Variants in VPS13B observed in about 807,000 individuals in gnomAD.
The protein encoded by VPS13B is vacuolar protein sorting 13 homolog B.
Under a neutral mutation model 426.4 loss-of-function variants are expected in VPS13B, and 285 were observed. The observed-to-expected ratio is 0.67, with a 90% CI of 0.61 to 0.74. The LOEUF (loss-of-function observed/expected upper bound fraction) is 0.74, where lower values mean the gene tolerates loss of function less well. Among genes scored for constraint, VPS13B ranks in the 30% least tolerant of loss-of-function variants. VPS13B has a pLI of 0.00. For synonymous variants in VPS13B, 1,676 were observed against 1,676.4 expected (o/e 1.00, Z 0.01); for missense variants, 4,537 against 4,782.6 (o/e 0.95, Z 1.51).
At chr8:99,674,618 A>G (rs886733883) in intron 35 of VPS13B, among the ~76,000 whole-genome samples, 5 of 151,968 alleles carry the variant, frequency 3.3e-5, no homozygotes, top group South Asian at 4.2e-4. Context: ...CATTTTGTCA[A>G]TTGTCTTCTG....
chr8:99,065,939 T>TA (rs1326960404), intron 3 of VPS13B, among the ~76,000 whole-genome samples: 1 of 152,150 alleles, frequency 6.6e-6, no homozygotes, highest in Non-Finnish European at 1.5e-5. Context: ...GAATCCAACT[T>TA]ACAAGGGATG....
chr8:99,548,081 T>G (rs1824085884), intron 30 of VPS13B, among the ~76,000 whole-genome samples: 1 of 152,088 alleles, frequency 6.6e-6, no homozygotes, highest in African/African-American at 2.4e-5. Flanking sequence ...ACGTTAACAT[T>G]AGGCATTCTG....
rs186102889 is a variant in VPS13B at position 99,701,660 on chromosome 8, A to G, written c.6454+1728A>G. Among the ~76,000 whole-genome samples, 142 of 152,284 alleles carry G rather than the reference A, an allele frequency of 9.3e-4. 1 individual carries two copies. The South Asian group carries it at 0.017, about 18-fold the overall frequency. ...AAAACAGCAACTATAGCTTTGACTAAACATACTTTATACAACTCTAACATG... is the reference window on the plus strand; with the variant it reads ...AAAACAGCAACTATAGCTTTGACTAGACATACTTTATACAACTCTAACATG... On this transcript the variant is annotated intron_variant, in intron 36 of 61. Transcript: ENST00000357162.
chr8:99,157,479 G>C (rs79348716), intron 15 of VPS13B, among the ~76,000 whole-genome samples: 9,360 of 151,764 alleles, frequency 0.062, 386 homozygotes, highest in African/African-American at 0.11. Flanking sequence ...ACTGTTTTTC[G>C]GGCACCAAGA....
chr8:99,173,291 G>C (rs978798659), intron 16 of VPS13B, among the ~76,000 whole-genome samples: 1 of 152,116 alleles, frequency 6.6e-6, no homozygotes, highest in African/African-American at 2.4e-5. Flanking sequence ...GGCAGATACT[G>C]ATCCTTTTGC....
chr8:99,832,170 G>A (rs865944716), intron 51 of VPS13B, among the ~76,000 whole-genome samples, 199 bp from the exon 52 acceptor site: 1 of 151,552 alleles, frequency 6.6e-6, no homozygotes, highest in Non-Finnish European at 1.5e-5. Context: ...ACTGAGGCAT[G>A]AGAATTGCTT....
At chr8:99,733,684 A>G (rs538751661) in intron 39 of VPS13B, among the ~76,000 whole-genome samples, 1 of 152,178 alleles carries the variant, frequency 6.6e-6, no homozygotes, top group East Asian at 1.9e-4. Context: ...AAGATATTGG[A>G]AAAAAAATTT....
intron 17 of VPS13B, among the ~76,000 whole-genome samples, chr8:99,226,556 T>A (rs892500125): frequency 6.6e-6 from 1 of 152,220 alleles, no homozygotes; most frequent in Non-Finnish European, 1.5e-5. Flanking sequence ...TATTTTTAAG[T>A]TATTTTCCTG....
At position 99,877,204 on chromosome 8, in the gene VPS13B, T is replaced by C. The variant is rs1817735339; in HGVS notation, c.*1538T>C. On this transcript the variant is annotated 3_prime_UTR_variant, in exon 62 of 62. Transcript: ENST00000357162. ...TCACATGTTGGGCATAAGAAGTCACTATATAATTGTTACTGGAAAGCAAGA... is the reference window on the plus strand; with the variant it reads ...TCACATGTTGGGCATAAGAAGTCACCATATAATTGTTACTGGAAAGCAAGA... 1 of 152,362 alleles carries C rather than the reference T, an allele frequency of 6.6e-6. No homozygotes were observed. Among genetic ancestry groups the C allele is most frequent in the African/African-American group, 2.4e-5 (1 of 41,426 alleles). 9.4% of individuals were successfully genotyped at this position (152,362 alleles called of 1,614,324 possible).
intron 19 of VPS13B, among the ~76,000 whole-genome samples, chr8:99,280,165 G>C (rs1469871249): frequency 6.6e-6 from 1 of 152,088 alleles, no homozygotes; most frequent in Non-Finnish European, 1.5e-5. Flanking sequence ...GATGTTCTCT[G>C]TGGTGGTTAT....
rs2132453724 is a variant in VPS13B, at chr8:99,102,944, A to G, written c.413-9A>G. On this transcript the variant is annotated splice_polypyrimidine_tract_variant and intron_variant, in intron 4 of 61. Coordinates refer to ENST00000357162, the MANE Select transcript of VPS13B (RefSeq NM_152564.5). ...GTGGCTAATTAAATTCTTTTTTTCT[A>G]TTTTATAGGTTATGTGCAGAGTCTG... The G allele has an allele frequency of 6.3e-7, 1 of 1,596,310 alleles. No homozygotes were observed. Among genetic ancestry groups the G allele is most frequent in the Non-Finnish European group, 8.6e-7 (1 of 1,165,090 alleles).
intron 39 of VPS13B, among the ~76,000 whole-genome samples, chr8:99,738,377 G>T (rs1165800918): frequency 1.3e-5 from 2 of 152,004 alleles, no homozygotes; most frequent in African/African-American, 2.4e-5. Context: ...CTAAATCATG[G>T]TATATCTGTA....
intron 19 of VPS13B, among the ~76,000 whole-genome samples, chr8:99,380,605 A>G (rs1813743592): frequency 6.6e-6 from 1 of 152,088 alleles, no homozygotes; most frequent in South Asian, 2.1e-4. Flanking sequence ...AGGAGTATAC[A>G]TGGCAAATTT....
chr8:99,469,584 T>C (rs1318811692), intron 24 of VPS13B, among the ~76,000 whole-genome samples: 1 of 152,150 alleles, frequency 6.6e-6, no homozygotes, highest in African/African-American at 2.4e-5. Flanking sequence ...AAGAAAATAA[T>C]TATGAAATGA....
intron 19 of VPS13B, among the ~76,000 whole-genome samples, chr8:99,320,725 A>G (rs1289193601): frequency 2.0e-5 from 3 of 152,192 alleles, no homozygotes; most frequent in Non-Finnish European, 4.4e-5. Context: ...TCCCAAATAG[A>G]TGTTTATTAA....
chr8:99,181,606 C>G (rs1812950062), intron 16 of VPS13B, among the ~76,000 whole-genome samples: 1 of 152,128 alleles, frequency 6.6e-6, no homozygotes, highest in Middle Eastern at 3.2e-3. Context: ...TTGAATAGTG[C>G]CTGACACATA....
intron 12 of VPS13B, among the ~76,000 whole-genome samples, chr8:99,141,359 G>C (rs1193305511): frequency 1.3e-5 from 2 of 152,186 alleles, no homozygotes; most frequent in African/African-American, 4.8e-5. Context: ...GTGTCTAAAA[G>C]AAGAGTCTTG....
At chr8:99,730,349 A>G (rs947671299) in intron 39 of VPS13B, among the ~76,000 whole-genome samples, 2 of 152,232 alleles carry the variant, frequency 1.3e-5, no homozygotes, top group Non-Finnish European at 2.9e-5. Context: ...AGTCTTGTGT[A>G]TCCAGTGGAC....
At chr8:99,467,277 T>G in intron 23 of VPS13B, 137 bp from the exon 24 acceptor site, 1 of 890,684 alleles carries the variant, frequency 1.1e-6, no homozygotes, top group South Asian at 1.4e-5. Flanking sequence ...AGCACCGTGG[T>G]CTCAGGAATA....
Sources: gnomAD v4.1 joint callset for allele counts (sites outside exome capture counted in the v4.1 genomes callset) on GRCh38, gnomAD v4.1.1 for gene constraint, MANE v1.5 for transcripts, NCBI Gene and HGNC (gene_info 2026-07-23, HGNC 2026-07-21) for gene names.